ATG7: variants seen among roughly 807,000 people sequenced by gnomAD.
The protein encoded by ATG7 is autophagy related 7, also known as ubiquitin-like modifier-activating enzyme ATG7.
A neutral mutation model predicts 82.4 loss-of-function variants in ATG7; 70 were observed. The observed-to-expected ratio is 0.85, with a 90% CI of 0.70 to 1.04. The LOEUF (loss-of-function observed/expected upper bound fraction) is 1.04, where lower values mean the gene tolerates loss of function less well. Ranked by LOEUF, ATG7 falls within the 50% of genes least tolerant of loss-of-function variation. The probability of loss-of-function intolerance (pLI) is 0.00; values close to 1 mark genes in which losing one functional copy is unlikely to be tolerated. For synonymous variants in ATG7, 287 were observed against 313.0 expected, an observed-to-expected ratio of 0.92 and a Z score of 0.88; for missense variants, 792 against 864.3, an observed-to-expected ratio of 0.92 and a Z score of 1.05.
chr3:11,510,522 C>G (rs2091998958), intron 20 of ATG7, among the ~76,000 whole-genome samples: 1 of 151,406 alleles, frequency 6.6e-6, no homozygotes, highest in African/African-American at 2.4e-5. Flanking sequence ...ATGTCCTGAC[C>G]CCCTCAACCC....
intron 20 of ATG7, among the ~76,000 whole-genome samples, chr3:11,462,233 A>G (rs1441264507): frequency 6.6e-6 from 1 of 152,074 alleles, no homozygotes; most frequent in East Asian, 1.9e-4. Context: ...TGGAAGGTTC[A>G]GGGCCCTCTC....
chr3:11,526,839 C>T lies in ATG7; in HGVS notation c.2080-27972C>T, dbSNP rs181884261. Among the ~76,000 whole-genome samples the T allele has an allele frequency of 4.1e-3, 623 of 152,082 alleles. 3 individuals are homozygous for T. Among genetic ancestry groups the T allele is most frequent in the African/African-American group, 0.014 (594 of 41,498 alleles). ...GTTAAGAATGAATCTAAAGTTTTAC[C>T]ATTTACCATCATGTTTGCTGTAGAT... is the stretch of plus-strand genomic sequence containing the variant. On this transcript the variant is annotated intron_variant, in intron 20 of 20. Transcript: ENST00000693202.
chr3:11,500,792 A>C (rs781091076), intron 20 of ATG7, among the ~76,000 whole-genome samples: 29 of 152,164 alleles, frequency 1.9e-4, no homozygotes, highest in Non-Finnish European at 4.1e-4. Flanking sequence ...CACCACACCC[A>C]GCTAATTTTT....
intron 20 of ATG7, among the ~76,000 whole-genome samples, chr3:11,508,443 C>G (rs892029719): frequency 9.9e-5 from 15 of 151,868 alleles, no homozygotes; most frequent in African/African-American, 3.6e-4. Flanking sequence ...CAAGCTTGGT[C>G]TAAGGGATAT....
intron 19 of ATG7, among the ~76,000 whole-genome samples, chr3:11,391,852 T>C (rs540435604): frequency 2.0e-5 from 3 of 151,678 alleles, no homozygotes; most frequent in South Asian, 4.2e-4. Context: ...AGAAATTACA[T>C]GAAAGTCCAG....
At chr3:11,561,643 G>A (rs900124034), downstream of ATG7, among the ~76,000 whole-genome samples, 7 of 152,188 alleles carry the variant, frequency 4.6e-5, no homozygotes, top group Admixed American at 3.3e-4. Context: ...GATGGTGAGC[G>A]TTTATGGGAT....
intron 1 of ATG7, among the ~76,000 whole-genome samples, chr3:11,278,147 CAT>C (rs377194823): frequency 2.6e-5 from 4 of 152,264 alleles, no homozygotes; most frequent in East Asian, 1.9e-4. Flanking sequence ...TTTAAACACA[CAT>C]GTTTTACAAT....
At chr3:11,301,962 A>C (rs1946857809) in intron 5 of ATG7, among the ~76,000 whole-genome samples, 1 of 152,152 alleles carries the variant, frequency 6.6e-6, no homozygotes, top group Non-Finnish European at 1.5e-5. Context: ...CTTAAACTTA[A>C]TTAATCTAAA....
At chr3:11,407,550 G>A (rs1055780508) in intron 19 of ATG7, among the ~76,000 whole-genome samples, 62 of 152,194 alleles carry the variant, frequency 4.1e-4, no homozygotes, top group African/African-American at 1.4e-3. Flanking sequence ...CTTCCACACT[G>A]CCCTAGCAGA....
the ATG7 span, chr3:11,564,759 CT>C: frequency 6.6e-7 from 1 of 1,524,796 alleles, no homozygotes. Context: ...CCCCCAGCCC[CT>C]GGACTCCCCA....
chr3:11,513,196 G>A (rs113714463), intron 20 of ATG7, among the ~76,000 whole-genome samples: 9,429 of 152,328 alleles, frequency 0.062, 454 homozygotes, highest in African/African-American at 0.13. Flanking sequence ...AGTGGATCCC[G>A]CACCGGGGCT....
intron 20 of ATG7, among the ~76,000 whole-genome samples, chr3:11,495,718 CTA>C (rs2090775253): frequency 6.6e-6 from 1 of 152,232 alleles, no homozygotes; most frequent in Admixed American, 6.5e-5. Context: ...GGCCATCATT[CTA>C]ACAGCCGTGG....
chr3:11,492,216 C>T (rs2090429803), intron 20 of ATG7, among the ~76,000 whole-genome samples: 1 of 152,184 alleles, frequency 6.6e-6, no homozygotes, highest in Non-Finnish European at 1.5e-5. Flanking sequence ...GTGGGAGTGA[C>T]CCGATTTTCC....
intron 20 of ATG7, among the ~76,000 whole-genome samples, chr3:11,537,458 T>C (rs557861442): frequency 1.2e-4 from 19 of 152,318 alleles, no homozygotes; most frequent in African/African-American, 4.3e-4. Flanking sequence ...AAACATATCA[T>C]AGCACATGGG....
the ATG7 span, among the ~76,000 whole-genome samples, chr3:11,575,114 A>G: frequency 1.3e-5 from 2 of 152,088 alleles, no homozygotes; most frequent in African/African-American, 4.8e-5. Context: ...AGGTGGAGGG[A>G]TCTGCCTGGG....
intron 20 of ATG7, among the ~76,000 whole-genome samples, chr3:11,520,577 C>G (rs1225711349): frequency 6.6e-6 from 1 of 152,260 alleles, no homozygotes; most frequent in South Asian, 2.1e-4. Flanking sequence ...AACACACACA[C>G]AGGCAGCAGA....
At chr3:11,322,454 T>G (rs1188837912) in intron 9 of ATG7, among the ~76,000 whole-genome samples, 1 of 152,196 alleles carries the variant, frequency 6.6e-6, no homozygotes, top group Non-Finnish European at 1.5e-5. Context: ...TATATCTCTG[T>G]TTTTAAAATG....
chr3:11,567,598 G>A, the ATG7 span, among the ~76,000 whole-genome samples: 1 of 152,210 alleles, frequency 6.6e-6, no homozygotes, highest in African/African-American at 2.4e-5. Context: ...AATGTCATCT[G>A]TCTGTGGCGA....
intron 14 of ATG7, among the ~76,000 whole-genome samples, chr3:11,350,286 G>A (rs978317617): frequency 2.0e-5 from 3 of 152,154 alleles, no homozygotes; most frequent in Non-Finnish European, 2.9e-5. Context: ...ATAAGAATAC[G>A]TTGCAACCCT....
Sources: gnomAD v4.1 joint callset for allele counts (sites outside exome capture counted in the v4.1 genomes callset) on GRCh38, gnomAD v4.1.1 for gene constraint, MANE v1.5 for transcripts, NCBI Gene and HGNC (gene_info 2026-07-23, HGNC 2026-07-21) for gene names.